Variants in GRID2 observed in about 807,000 individuals in gnomAD.
The protein encoded by GRID2 is glutamate receptor ionotropic, delta-2.
In GRID2, 33 loss-of-function variants were observed where a neutral mutation model predicts 114.8. The ratio of observed to expected loss-of-function variants is 0.29; its 90% confidence interval spans 0.22 to 0.38. The LOEUF is 0.38. Among genes scored for constraint, GRID2 ranks in the 10% least tolerant of loss-of-function variants. GRID2 has a pLI of 1.00. For missense variants in GRID2, 1,184 were observed against 1,257.7 expected (o/e 0.94, Z 0.89); for synonymous variants, 505 against 449.9 (o/e 1.12, Z -1.55).
At chr4:93,036,956 G>A (rs1030135876) in intron 2 of GRID2, among the ~76,000 whole-genome samples, 1 of 152,090 alleles carries the variant, frequency 6.6e-6, no homozygotes. Flanking sequence ...AAGAATTCAC[G>A]TTAGGAAAGG....
chr4:93,512,714 A>G (rs1242079952), intron 12 of GRID2, among the ~76,000 whole-genome samples: 1 of 152,120 alleles, frequency 6.6e-6, no homozygotes, highest in Non-Finnish European at 1.5e-5. Flanking sequence ...TTTTTGTAAC[A>G]CCAGGAGCTT....
intron 13 of GRID2, among the ~76,000 whole-genome samples, chr4:93,578,974 C>T (rs1311485004): frequency 6.6e-6 from 1 of 152,140 alleles, no homozygotes; most frequent in Admixed American, 6.5e-5. Context: ...TTGATTTCCT[C>T]TTTATGAAGG....
At chr4:93,246,544 G>A (rs1395816692) in intron 8 of GRID2, among the ~76,000 whole-genome samples, 3 of 149,146 alleles carry the variant, frequency 2.0e-5, no homozygotes, top group Non-Finnish European at 4.4e-5. Context: ...CCGAGATTGG[G>A]CCATTGCACT....
At chr4:93,200,253 A>G (rs1259103452) in intron 4 of GRID2, among the ~76,000 whole-genome samples, 1 of 152,190 alleles carries the variant, frequency 6.6e-6, no homozygotes, top group Non-Finnish European at 1.5e-5. Context: ...AAAGAAGCAC[A>G]AGTATCACCA....
intron 2 of GRID2, among the ~76,000 whole-genome samples, chr4:93,071,375 G>A (rs758102759): frequency 1.4e-4 from 21 of 152,142 alleles, no homozygotes; most frequent in Non-Finnish European, 2.9e-4. Flanking sequence ...TGTGTTCTAG[G>A]TTTAGGGCAT....
At chr4:92,436,989 G>A (rs1441799665) in intron 1 of GRID2, among the ~76,000 whole-genome samples, 1 of 152,032 alleles carries the variant, frequency 6.6e-6, no homozygotes, top group African/African-American at 2.4e-5. Flanking sequence ...TGTAGATTTG[G>A]CTATAACAAT....
intron 10 of GRID2, among the ~76,000 whole-genome samples, chr4:93,448,445 A>G (rs1722299750): frequency 6.6e-6 from 1 of 151,958 alleles, no homozygotes; most frequent in Non-Finnish European, 1.5e-5. Flanking sequence ...TTTTTGGGAT[A>G]TGGATCAAAC....
At position 92,688,037 on chromosome 4, in the gene GRID2, C is replaced by CTTTTTTTTTTTTTTT. The variant is rs760605020; in HGVS notation, c.244+97766_244+97780dup. ...GCCACATTGGTTGACCCTTCTTCTT[C>CTTTTTTTTTTTTTTT]TTTTTTTTTTTTTTTTTTTTTTTTT... On this transcript the variant is annotated intron_variant, in intron 2 of 15. Transcript: ENST00000282020. Among the ~76,000 whole-genome samples the CTTTTTTTTTTTTTTT allele has an allele frequency of 1.4e-3, 62 of 44,666 alleles. 5 individuals carry two copies. The highest frequency in any genetic ancestry group is 2.1e-3 in the East Asian group (4 of 1,888). 29.3% of individuals were successfully genotyped at this position (44,666 alleles called of 152,430 possible).
chr4:92,575,957 G>C (rs1481457953), intron 1 of GRID2, among the ~76,000 whole-genome samples: 2 of 152,240 alleles, frequency 1.3e-5, no homozygotes, highest in African/African-American at 4.8e-5. Context: ...CCCCCTTAAA[G>C]AAGCAGTCTG....
chr4:92,781,637 A>G (rs1001020904), intron 2 of GRID2, among the ~76,000 whole-genome samples: 4 of 152,046 alleles, frequency 2.6e-5, no homozygotes, highest in Non-Finnish European at 1.5e-5. Flanking sequence ...CTAACTATGT[A>G]TATATGTTAT....
intron 2 of GRID2, among the ~76,000 whole-genome samples, chr4:92,623,805 A>G (rs1730389295): frequency 1.3e-5 from 2 of 151,808 alleles, no homozygotes; most frequent in Admixed American, 6.6e-5. Context: ...ACTTGAATGT[A>G]TTATTCAAAA....
At chr4:92,938,748 T>A (rs539674110) in intron 2 of GRID2, among the ~76,000 whole-genome samples, 1 of 139,186 alleles carries the variant, frequency 7.2e-6, no homozygotes, top group African/African-American at 2.5e-5. Context: ...CAGAGTGTGA[T>A]GTTCCCCTTC....
At chr4:92,959,170 C>T (rs1752627815) in intron 2 of GRID2, among the ~76,000 whole-genome samples, 1 of 141,688 alleles carries the variant, frequency 7.1e-6, no homozygotes, top group African/African-American at 2.6e-5. Context: ...CTATTGGCTT[C>T]CTGTTTTCTA....
intron 2 of GRID2, among the ~76,000 whole-genome samples, chr4:92,911,474 T>C (rs1748377234): frequency 1.3e-5 from 2 of 152,018 alleles, no homozygotes; most frequent in African/African-American, 4.8e-5. Flanking sequence ...GGTAGTTAGG[T>C]ATAACAGTTG....
intron 2 of GRID2, among the ~76,000 whole-genome samples, chr4:92,961,766 T>C (rs534607879): frequency 1.6e-4 from 25 of 151,960 alleles, no homozygotes; most frequent in African/African-American, 5.8e-4. Context: ...CTTCTCTTTT[T>C]TTTTAATTCT....
chr4:93,072,312 A>G (rs760520863), intron 2 of GRID2, among the ~76,000 whole-genome samples: 7 of 152,196 alleles, frequency 4.6e-5, no homozygotes, highest in Non-Finnish European at 8.8e-5. Context: ...TCTAGGAGTA[A>G]GAGGTTACTG....
chr4:93,189,542 T>C (rs1740767273), intron 4 of GRID2, among the ~76,000 whole-genome samples: 1 of 152,150 alleles, frequency 6.6e-6, no homozygotes, highest in African/African-American at 2.4e-5. Flanking sequence ...ATTCAGATCA[T>C]AGCAATAGCC....
chr4:92,749,905 A>C (rs1449404779), intron 2 of GRID2, among the ~76,000 whole-genome samples: 1 of 152,102 alleles, frequency 6.6e-6, no homozygotes, highest in Non-Finnish European at 1.5e-5. Context: ...CTTGTTGCCC[A>C]GGCTGGAGTG....
In GRID2 at chr4:92,713,188, G is replaced by C. The variant is rs529539324; in HGVS notation, c.244+122902G>C. Among the ~76,000 whole-genome samples the C allele has an allele frequency of 1.9e-4, 28 of 150,710 alleles. No individual in the cohort carries two copies. The South Asian group carries it at 5.9e-3, about 32-fold the overall frequency. ...CAGGCCCCGGTATGTGATGTTCATAGGTGGGAATTGAACAATGACTTGACT... is the reference window on the plus strand; with the variant it reads ...CAGGCCCCGGTATGTGATGTTCATACGTGGGAATTGAACAATGACTTGACT... On this transcript the variant is annotated intron_variant, in intron 2 of 15. Transcript: ENST00000282020.
Sources: allele counts gnomAD v4.1 joint callset (sites outside exome capture counted in the v4.1 genomes callset), GRCh38; gene constraint gnomAD v4.1.1; transcripts MANE v1.5; gene names NCBI Gene and HGNC (gene_info 2026-07-23, HGNC 2026-07-21).